Variants in FAM117A observed in about 807,000 individuals in gnomAD.
FAM117A encodes the protein family with sequence similarity 117 member A.
In FAM117A, 21 loss-of-function variants were observed where a neutral mutation model predicts 44.1. That is an observed-to-expected ratio of 0.48 (90% confidence interval 0.34 to 0.69). FAM117A has a LOEUF of 0.69. Among genes scored for constraint, FAM117A ranks in the 30% least tolerant of loss-of-function variants. FAM117A has a pLI of 0.01. For synonymous variants in FAM117A, 220 were observed against 238.3 expected (o/e 0.92, Z 0.71); for missense variants, 498 against 589.9 (o/e 0.84, Z 1.61).
rs185052371 is a variant in FAM117A at position 49,750,600 on chromosome 17, C to A, written c.196+13292G>T. Among the ~76,000 whole-genome samples the A allele has an allele frequency of 3.9e-4, 57 of 147,568 alleles. No homozygotes were observed. In the East Asian group the frequency reaches 8.5e-3, roughly 22 times the overall value. Reference sequence around the variant, plus strand: ...GACCAGCCTGGCCAACATGGTGAAACCCCCCATCTCTACTAAAAATACAAA... The same window carrying A: ...GACCAGCCTGGCCAACATGGTGAAAACCCCCATCTCTACTAAAAATACAAA... On this transcript the variant is annotated intron_variant, in intron 1 of 7. Transcript: ENST00000240364.
intron 1 of FAM117A, among the ~76,000 whole-genome samples, chr17:49,752,281 T>C (rs944072751): frequency 7.9e-5 from 12 of 152,262 alleles, no homozygotes; most frequent in African/African-American, 2.6e-4. Context: ...AAGAGCACTA[T>C]CATACATTAC....
chr17:49,767,858 G>A (rs757216867), upstream of FAM117A, among the ~76,000 whole-genome samples: 4 of 151,946 alleles, frequency 2.6e-5, no homozygotes, highest in Non-Finnish European at 4.4e-5. Flanking sequence ...AACCAAGATT[G>A]CACCACTGCG....
Position 49,732,561 on chromosome 17 carries a change from T to A in FAM117A, c.356A>T (p.Lys119Met). 1 of 1,614,130 alleles carries A rather than the reference T, an allele frequency of 6.2e-7. No homozygotes were observed. The highest frequency in any genetic ancestry group is 8.5e-7 in the Non-Finnish European group (1 of 1,180,010). ...AGAGAGCTTCATTACCTGGGTGGCC[T>A]TGTCATTGGTGCAGCAGGTGAAGGC... ...DGAFTCCTND[K>M]ATQTPLSWQE... The change falls in exon 2 of 8, where the codon AAG becomes ATG. Residue 119 changes from lysine (K) to methionine (M), a missense_variant. Around this residue, in one of 3 missense-constraint regions of FAM117A, gnomAD observed 270 missense variants for 277.4 expected, o/e 0.97. Coordinates refer to ENST00000240364, the MANE Select transcript of FAM117A (RefSeq NM_030802.4).
At chr17:49,723,825 C>T (rs1273905686) in intron 2 of FAM117A, among the ~76,000 whole-genome samples, 1 of 152,292 alleles carries the variant, frequency 6.6e-6, no homozygotes, top group South Asian at 2.1e-4. Context: ...CTCCCAGCTG[C>T]TCATGGATCA....
At chr17:49,721,129 T>C (rs941211408) in intron 3 of FAM117A, among the ~76,000 whole-genome samples, 1 of 152,188 alleles carries the variant, frequency 6.6e-6, no homozygotes, top group Non-Finnish European at 1.5e-5. Context: ...TATTCTCCCT[T>C]GTTTAAAGTA....
intron 3 of FAM117A, 121 bp downstream of exon 3, chr17:49,722,378 G>T (rs921300214): frequency 3.8e-6 from 3 of 797,122 alleles, no homozygotes; most frequent in Admixed American, 2.4e-5. Context: ...ATCAGGAAAA[G>T]GCCAGGTCAA....
intron 2 of FAM117A, among the ~76,000 whole-genome samples, chr17:49,729,143 G>A (rs931381349): frequency 2.0e-5 from 3 of 152,222 alleles, no homozygotes; most frequent in Admixed American, 6.5e-5. Flanking sequence ...TAGCATGCCC[G>A]GCTATCTAGA....
intron 1 of FAM117A, among the ~76,000 whole-genome samples, chr17:49,746,238 A>T (rs1262132664): frequency 6.6e-6 from 1 of 152,252 alleles, no homozygotes; most frequent in Non-Finnish European, 1.5e-5. Flanking sequence ...TAGGTGAAAG[A>T]TAAATAGGTA....
chr17:49,716,146 G>C lies in FAM117A; in HGVS notation c.1061+19C>G. On this transcript the variant is annotated intron_variant, in intron 7 of 7. Coordinates refer to ENST00000240364, the MANE Select transcript of FAM117A (RefSeq NM_030802.4). ...GGCCCACCCTCCCCTCCCACACCCT[G>C]TCCACTTGGTGTACTCACGTGGCTT... 6.3e-7 allele frequency: 1 copy of C among 1,591,306 alleles called. No individual in the cohort carries two copies. The highest frequency in any genetic ancestry group is 8.6e-7 in the Non-Finnish European group (1 of 1,165,736).
chr17:49,747,575 C>G (rs59917700), intron 1 of FAM117A, among the ~76,000 whole-genome samples: 3 of 152,038 alleles, frequency 2.0e-5, no homozygotes, highest in Admixed American at 6.6e-5. Flanking sequence ...CTCTACCCCC[C>G]GCATCCTTGA....
chr17:49,772,847 T>C (rs1381701998), intron 1 of FAM117A, among the ~76,000 whole-genome samples: 1 of 152,132 alleles, frequency 6.6e-6, no homozygotes, highest in Non-Finnish European at 1.5e-5. Context: ...ACCCAGGGCA[T>C]AGGCCCCAGA....
At chr17:49,723,189 C>G (rs537762338) in intron 2 of FAM117A, among the ~76,000 whole-genome samples, 1 of 152,124 alleles carries the variant, frequency 6.6e-6, no homozygotes, top group Non-Finnish European at 1.5e-5. Flanking sequence ...CCCCTGCCCC[C>G]GCTGCAAATA....
chr17:49,776,385 C>T (rs541489130), intron 1 of FAM117A, among the ~76,000 whole-genome samples: 5 of 152,258 alleles, frequency 3.3e-5, no homozygotes, highest in African/African-American at 9.6e-5. Flanking sequence ...GTCAGAGAGA[C>T]CCAGACCTAG....
At chr17:49,711,655 G>C in intron 7 of FAM117A, 100 bp from the exon 8 acceptor site, 1 of 1,155,990 alleles carries the variant, frequency 8.7e-7, no homozygotes, top group Non-Finnish European at 1.3e-6. Context: ...CAGCAGGAGA[G>C]CTGGGTCTCT....
chr17:49,786,894 G>C (rs2073812356), intron 1 of FAM117A, among the ~76,000 whole-genome samples: 1 of 151,752 alleles, frequency 6.6e-6, no homozygotes, highest in Non-Finnish European at 1.5e-5. Flanking sequence ...GACCAGCCTG[G>C]GCAGCATGGT....
chr17:49,750,853 TAAAAACAACAAACCCCACA>T (rs2073674216), intron 1 of FAM117A, among the ~76,000 whole-genome samples: 1 of 152,160 alleles, frequency 6.6e-6, no homozygotes, highest in Non-Finnish European at 1.5e-5. Context: ...ACTACTTTTT[TAAAAACAACAAACCCCACA>T]AAAAACAACA....
intron 7 of FAM117A, among the ~76,000 whole-genome samples, chr17:49,714,412 A>G (rs2073492539): frequency 6.8e-6 from 1 of 147,776 alleles, no homozygotes; most frequent in Non-Finnish European, 1.5e-5. Context: ...ATCTCAGCTC[A>G]CTGCAATCTC....
At chr17:49,733,726 C>T (rs941791178) in intron 1 of FAM117A, among the ~76,000 whole-genome samples, 1 of 152,012 alleles carries the variant, frequency 6.6e-6, no homozygotes, top group African/African-American at 2.4e-5. Context: ...TTGGTTAAAG[C>T]TTTCTAGAAG....
chr17:49,724,052 C>T (rs2073547806), intron 2 of FAM117A, among the ~76,000 whole-genome samples: 1 of 152,200 alleles, frequency 6.6e-6, no homozygotes, highest in Non-Finnish European at 1.5e-5. Context: ...AAGCCATATA[C>T]TGGCTCTGTC....
Sources: allele counts gnomAD v4.1 joint callset (sites outside exome capture counted in the v4.1 genomes callset), GRCh38; gene constraint gnomAD v4.1.1; regional missense constraint gnomAD v4.1.1; transcripts MANE v1.5; gene names NCBI Gene and HGNC (gene_info 2026-07-23, HGNC 2026-07-21).